The following BANK1 variants were observed in gnomAD, a reference collection of about 807,000 sequenced individuals.
BANK1 encodes B-cell scaffold protein with ankyrin repeats.
Under a neutral mutation model 94.5 loss-of-function variants are expected in BANK1, and 95 were observed. That is an observed-to-expected ratio of 1.00 (90% CI 0.85 to 1.19). BANK1 has a LOEUF of 1.19. Among genes scored for constraint, BANK1 ranks in the 50% most tolerant of loss-of-function variants. The pLI is 0.00. For missense variants in BANK1, 987 were observed against 932.2 expected, an observed-to-expected ratio of 1.06 and a Z score of -0.77; for synonymous variants, 334 against 308.4, an observed-to-expected ratio of 1.08 and a Z score of -0.87.
chr4:101,841,781 C>T (rs1326377637), intron 2 of BANK1, among the ~76,000 whole-genome samples: 1 of 122,220 alleles, frequency 8.2e-6, no homozygotes, highest in Non-Finnish European at 1.7e-5. Flanking sequence ...CCCCCTCCCC[C>T]CACCCCACAA....
At chr4:102,040,897 G>A (rs984077323) in intron 10 of BANK1, among the ~76,000 whole-genome samples, 1 of 152,056 alleles carries the variant, frequency 6.6e-6, no homozygotes, top group Non-Finnish European at 1.5e-5. Context: ...CCAGAAGGGT[G>A]TTGGGGAGAA....
intron 10 of BANK1, among the ~76,000 whole-genome samples, chr4:102,041,692 C>T (rs1019444557): frequency 6.6e-6 from 1 of 152,010 alleles, no homozygotes; most frequent in Admixed American, 6.6e-5. Context: ...TTACCCCACT[C>T]ATAGTATCCT....
At chr4:101,960,925 A>T (rs1404552738) in intron 7 of BANK1, among the ~76,000 whole-genome samples, 4 of 152,166 alleles carry the variant, frequency 2.6e-5, no homozygotes, top group Non-Finnish European at 5.9e-5. Flanking sequence ...GATGGAAGGA[A>T]TTAACTAGAT....
chr4:102,043,756 A>G (rs1194700241), intron 10 of BANK1, 83 bp from the exon 11 acceptor site: 2 of 778,478 alleles, frequency 2.6e-6, no homozygotes, highest in Non-Finnish European at 4.2e-6. Context: ...GATATATTGC[A>G]TTCTGGCTTC....
chr4:101,841,491 A>G (rs922278764), intron 2 of BANK1, among the ~76,000 whole-genome samples: 1 of 152,156 alleles, frequency 6.6e-6, no homozygotes, highest in Non-Finnish European at 1.5e-5. Flanking sequence ...CAGAGATGAT[A>G]TATTGACAAC....
chr4:101,802,819 A>C (rs1185768859), intron 1 of BANK1, among the ~76,000 whole-genome samples: 5 of 152,206 alleles, frequency 3.3e-5, no homozygotes, highest in South Asian at 2.1e-4. Context: ...TGAGTAGGTG[A>C]GTTACCATGT....
At chr4:101,830,684 TTAATTACATTTCCATG>T (rs1235469507) in intron 2 of BANK1, among the ~76,000 whole-genome samples, 17 of 152,224 alleles carry the variant, frequency 1.1e-4, no homozygotes, top group African/African-American at 4.1e-4. Context: ...CATTAATTAA[TTAATTACATTTCCATG>T]TAATAATAAA....
chr4:102,028,270 G>A (rs1727169760), intron 9 of BANK1, among the ~76,000 whole-genome samples: 8 of 152,174 alleles, frequency 5.3e-5, no homozygotes, highest in Admixed American at 5.2e-4. Context: ...GTTTTCACCT[G>A]TGTTGCTGTC....
intron 6 of BANK1, among the ~76,000 whole-genome samples, chr4:101,915,608 C>G (rs1722801788): frequency 6.6e-6 from 1 of 151,768 alleles, no homozygotes; most frequent in African/African-American, 2.4e-5. Flanking sequence ...ATTTTAGTAA[C>G]AAGAATTCAA....
intron 1 of BANK1, among the ~76,000 whole-genome samples, chr4:101,827,975 C>T (rs1726429451): frequency 6.6e-6 from 1 of 151,732 alleles, no homozygotes; most frequent in Non-Finnish European, 1.5e-5. Context: ...GTTAGTCTGA[C>T]TCTTCTCTTA....
intron 7 of BANK1, among the ~76,000 whole-genome samples, chr4:101,955,472 C>CT (rs531957553): frequency 2.0e-5 from 3 of 151,264 alleles, no homozygotes; most frequent in South Asian, 2.1e-4. Flanking sequence ...GAGCCAGTGT[C>CT]TTTTTTTTTC....
At chr4:101,813,141 G>A (rs1725781042) in intron 1 of BANK1, among the ~76,000 whole-genome samples, 1 of 151,952 alleles carries the variant, frequency 6.6e-6, no homozygotes, top group South Asian at 2.1e-4. Context: ...CTTCAGAATT[G>A]CAATCTAAGT....
chr4:101,985,244 G>T (rs1425595790), intron 7 of BANK1, among the ~76,000 whole-genome samples: 1 of 152,112 alleles, frequency 6.6e-6, no homozygotes, highest in Non-Finnish European at 1.5e-5. Flanking sequence ...ATACTTTCTT[G>T]TTCAGCCTTT....
At chr4:101,872,698 A>G (rs922860930) in intron 5 of BANK1, among the ~76,000 whole-genome samples, 6 of 151,994 alleles carry the variant, frequency 3.9e-5, no homozygotes, top group Non-Finnish European at 5.9e-5. Flanking sequence ...TATTTAACAA[A>G]TTTTGTGGTC....
chr4:101,876,068 C>T (rs192853423), intron 5 of BANK1, among the ~76,000 whole-genome samples: 6 of 152,234 alleles, frequency 3.9e-5, no homozygotes, highest in East Asian at 3.9e-4. Flanking sequence ...CCAGCTCAGC[C>T]GCAACAGGAT....
intron 7 of BANK1, among the ~76,000 whole-genome samples, chr4:101,956,323 T>C (rs1250449568): frequency 2.6e-5 from 4 of 152,210 alleles, no homozygotes; most frequent in African/African-American, 4.8e-5. Flanking sequence ...ACCGGGCATA[T>C]CATTTTGTTT....
At chr4:101,810,220 C>A (rs998235336) in intron 1 of BANK1, among the ~76,000 whole-genome samples, 7 of 152,068 alleles carry the variant, frequency 4.6e-5, no homozygotes, top group Admixed American at 4.6e-4. Context: ...ATAATGTAGC[C>A]CTGCAAATAT....
intron 2 of BANK1, among the ~76,000 whole-genome samples, chr4:101,845,494 A>G (rs1282670098): frequency 6.6e-6 from 1 of 152,198 alleles, no homozygotes; most frequent in East Asian, 1.9e-4. Flanking sequence ...ACTTGAGAGA[A>G]AACAACTGAG....
At chr4:102,073,617 T>C (rs1728825590) in intron 15 of BANK1, 67 bp from the exon 16 acceptor site, 1 of 1,443,060 alleles carries the variant, frequency 6.9e-7, no homozygotes, top group African/African-American at 1.4e-5. Context: ...TTGTCATATT[T>C]CTTTGTTCAA....
Sources: gnomAD v4.1 joint callset for allele counts (sites outside exome capture counted in the v4.1 genomes callset) on GRCh38, gnomAD v4.1.1 for gene constraint, MANE v1.5 for transcripts, NCBI Gene and HGNC (gene_info 2026-07-23, HGNC 2026-07-21) for gene names.